The following GALNTL6 variants were observed in gnomAD, a reference collection of about 807,000 sequenced individuals.
GALNTL6 encodes polypeptide N-acetylgalactosaminyltransferase like 6, also known as polypeptide N-acetylgalactosaminyltransferase-like 6.
In GALNTL6, 46 loss-of-function variants were observed where a neutral mutation model predicts 73.7. The ratio of observed to expected loss-of-function variants is 0.62; its 90% CI spans 0.49 to 0.80. The LOEUF (loss-of-function observed/expected upper bound fraction) is 0.80. Among genes scored for constraint, GALNTL6 ranks in the 30% least tolerant of loss-of-function variants. The pLI is 0.00. For synonymous variants in GALNTL6, 259 were observed against 263.7 expected (o/e 0.98, Z 0.17); for missense variants, 604 against 755.0 (o/e 0.80, Z 2.34).
intron 7 of GALNTL6, among the ~76,000 whole-genome samples, chr4:172,879,516 T>C (rs973573935): frequency 1.3e-5 from 2 of 151,876 alleles, no homozygotes; most frequent in Non-Finnish European, 2.9e-5. Context: ...AGTTATATAC[T>C]TCTATATAAC....
chr4:171,965,079 C>G (rs181985307), intron 2 of GALNTL6, among the ~76,000 whole-genome samples: 136 of 152,320 alleles, frequency 8.9e-4, no homozygotes, highest in East Asian at 1.5e-3. Context: ...CAAACTATAA[C>G]AGTTACCATT....
At chr4:171,838,251 G>A (rs971372942) in intron 2 of GALNTL6, among the ~76,000 whole-genome samples, 16 of 151,924 alleles carry the variant, frequency 1.1e-4, no homozygotes, top group South Asian at 1.0e-3. Context: ...AGCCTCCCAA[G>A]AAGCTGGGGT....
At chr4:172,862,984 C>T (rs139554043) in intron 7 of GALNTL6, among the ~76,000 whole-genome samples, 2 of 152,282 alleles carry the variant, frequency 1.3e-5, no homozygotes, top group African/African-American at 4.8e-5. Flanking sequence ...CTAAAAGGGG[C>T]CAAGGTACAG....
intron 2 of GALNTL6, among the ~76,000 whole-genome samples, chr4:171,828,861 C>A (rs1734893062): frequency 6.6e-6 from 1 of 152,240 alleles, no homozygotes; most frequent in Admixed American, 6.5e-5. Flanking sequence ...TCTCGAACTC[C>A]TGACCACAAG....
intron 5 of GALNTL6, among the ~76,000 whole-genome samples, chr4:172,395,239 A>G (rs922988931): frequency 1.3e-5 from 2 of 152,204 alleles, no homozygotes; most frequent in African/African-American, 4.8e-5. Context: ...AGTTTCATAC[A>G]ATAGTCATAT....
At chr4:172,626,370 G>A (rs13116514) in intron 5 of GALNTL6, among the ~76,000 whole-genome samples, 3,595 of 152,040 alleles carry the variant, frequency 0.024, 74 homozygotes, top group South Asian at 0.033. Flanking sequence ...TGTCTCATTG[G>A]TCTGTGTGTC....
chr4:172,986,424 T>C (rs1470130171), intron 10 of GALNTL6, among the ~76,000 whole-genome samples: 1 of 152,240 alleles, frequency 6.6e-6, no homozygotes, highest in Non-Finnish European at 1.5e-5. Flanking sequence ...GCTTCAGTCT[T>C]CTTTGTAGAA....
chr4:173,026,426 T>C (rs1031291134), intron 12 of GALNTL6, among the ~76,000 whole-genome samples: 1 of 152,170 alleles, frequency 6.6e-6, no homozygotes, highest in East Asian at 1.9e-4. Flanking sequence ...CTGCTGCTCT[T>C]ACAGACAGAA....
rs1315761068 is a variant in GALNTL6, at chr4:173,040,271, G to C, written c.*171G>C. On this transcript the variant is annotated 3_prime_UTR_variant, in exon 13 of 13. Coordinates refer to ENST00000506823, the MANE Select transcript of GALNTL6 (RefSeq NM_001034845.3). ...TTTTGAAGAACTTCCTGCATCTGAAGAACTTGGCTGAGAATCTCACCAGCT... is the reference window on the plus strand; with the variant it reads ...TTTTGAAGAACTTCCTGCATCTGAACAACTTGGCTGAGAATCTCACCAGCT... 1.1e-5 allele frequency: 6 copies of C among 539,074 alleles called. No individual in the cohort carries two copies. Among genetic ancestry groups the C allele is most frequent in the Non-Finnish European group, 1.9e-5 (6 of 309,748 alleles). The allele number at this position is 539,074 out of a possible 1,614,324, so 33.4% of individuals were successfully genotyped here.
chr4:172,863,822 G>A (rs981028034), intron 7 of GALNTL6, among the ~76,000 whole-genome samples: 1 of 152,118 alleles, frequency 6.6e-6, no homozygotes, highest in Non-Finnish European at 1.5e-5. Context: ...GGAGCCAGGG[G>A]TGGAATTATA....
chr4:171,974,846 C>CAA (rs1482102672), intron 2 of GALNTL6, among the ~76,000 whole-genome samples: 1 of 152,066 alleles, frequency 6.6e-6, no homozygotes, highest in Admixed American at 6.5e-5. Context: ...TTTTTAGTAG[C>CAA]AACACAATTC....
intron 10 of GALNTL6, among the ~76,000 whole-genome samples, chr4:172,980,472 T>C (rs1265236963): frequency 1.3e-5 from 2 of 152,140 alleles, no homozygotes; most frequent in Non-Finnish European, 2.9e-5. Flanking sequence ...AGTAGGTGGC[T>C]CGTAAACAAC....
At chr4:172,114,623 C>T (rs537614332) in intron 2 of GALNTL6, among the ~76,000 whole-genome samples, 8 of 152,090 alleles carry the variant, frequency 5.3e-5, no homozygotes, top group South Asian at 2.1e-4. Flanking sequence ...ACAAGTTATA[C>T]GTCGGCACTG....
At chr4:171,940,052 G>A (rs1433547143) in intron 2 of GALNTL6, among the ~76,000 whole-genome samples, 3 of 151,874 alleles carry the variant, frequency 2.0e-5, no homozygotes, top group African/African-American at 7.3e-5. Context: ...CACTTTACTT[G>A]TATGAATGAC....
chr4:172,739,487 G>A (rs1215038276), intron 5 of GALNTL6, among the ~76,000 whole-genome samples: 2 of 152,072 alleles, frequency 1.3e-5, no homozygotes, highest in African/African-American at 2.4e-5. Context: ...GTTAGTGGGT[G>A]GGTTTTATTT....
chr4:171,838,705 A>C (rs495917), intron 2 of GALNTL6, among the ~76,000 whole-genome samples: 59,783 of 152,020 alleles, frequency 0.39, 13,699 homozygotes, highest in African/African-American at 0.64. Context: ...TGGGCTAAGC[A>C]ACAAAGTGCT....
chr4:171,927,512 A>G (rs762206947), intron 2 of GALNTL6, among the ~76,000 whole-genome samples: 2 of 152,066 alleles, frequency 1.3e-5, no homozygotes, highest in Non-Finnish European at 2.9e-5. Flanking sequence ...GGTGTCTTCT[A>G]TGGTTTCTCT....
intron 7 of GALNTL6, among the ~76,000 whole-genome samples, chr4:172,876,809 T>G (rs1394941073): frequency 1.3e-5 from 2 of 152,066 alleles, no homozygotes; most frequent in Non-Finnish European, 2.9e-5. Context: ...TTAAAAAGAG[T>G]GTTTTAACCT....
chr4:172,793,034 T>TA (rs1419907476), intron 5 of GALNTL6, among the ~76,000 whole-genome samples: 1 of 152,162 alleles, frequency 6.6e-6, no homozygotes, highest in East Asian at 1.9e-4. Flanking sequence ...TGTGAAAACT[T>TA]ACTATATCCC....
Sources: allele counts gnomAD v4.1 joint callset (sites outside exome capture counted in the v4.1 genomes callset), GRCh38; gene constraint gnomAD v4.1.1; transcripts MANE v1.5; gene names NCBI Gene and HGNC (gene_info 2026-07-23, HGNC 2026-07-21).